Variants in PRKN observed in about 807,000 individuals in gnomAD.
The protein encoded by PRKN is parkin RBR E3 ubiquitin protein ligase.
A neutral mutation model predicts 59.5 loss-of-function variants in PRKN; 56 were observed. That is an observed-to-expected ratio of 0.94 (90% CI 0.76 to 1.18). The LOEUF (loss-of-function observed/expected upper bound fraction) is 1.18. Among genes scored for constraint, PRKN ranks in the 50% most tolerant of loss-of-function variants. The pLI is 0.00. For synonymous variants in PRKN, 250 were observed against 222.1 expected (o/e 1.13, Z -1.12); for missense variants, 657 against 596.4 (o/e 1.10, Z -1.06).
At chr6:161,890,986 A>G (rs895253696) in intron 6 of PRKN, among the ~76,000 whole-genome samples, 1 of 152,170 alleles carries the variant, frequency 6.6e-6, no homozygotes, top group African/African-American at 2.4e-5. Flanking sequence ...AGAGTTTCTC[A>G]ATCCATTCTC....
At chr6:162,017,712 C>G (rs1459731906) in intron 5 of PRKN, among the ~76,000 whole-genome samples, 1 of 152,084 alleles carries the variant, frequency 6.6e-6, no homozygotes, top group Non-Finnish European at 1.5e-5. Flanking sequence ...TAAAAGATCC[C>G]CTTGGGAAAA....
At chr6:162,250,190 G>C (rs1051095251) in intron 3 of PRKN, among the ~76,000 whole-genome samples, 6 of 151,742 alleles carry the variant, frequency 4.0e-5, no homozygotes, top group Non-Finnish European at 5.9e-5. Flanking sequence ...TTTATAAGGG[G>C]GGGGGCAGGG....
intron 9 of PRKN, among the ~76,000 whole-genome samples, chr6:161,449,820 G>A (rs912430705): frequency 1.3e-5 from 2 of 152,200 alleles, no homozygotes; most frequent in Admixed American, 6.5e-5. Flanking sequence ...ACAGACAGGT[G>A]TAGGGAAGCA....
chr6:162,046,059 C>A (rs1784236129), intron 5 of PRKN, among the ~76,000 whole-genome samples: 1 of 152,132 alleles, frequency 6.6e-6, no homozygotes, highest in Admixed American at 6.5e-5. Flanking sequence ...TCCAGTAGAT[C>A]GATATGTACT....
At chr6:162,283,708 A>G (rs1177555632) in intron 2 of PRKN, among the ~76,000 whole-genome samples, 3 of 152,138 alleles carry the variant, frequency 2.0e-5, no homozygotes, top group African/African-American at 7.2e-5. Flanking sequence ...TTTAGTAGAG[A>G]CAGGGTTTCG....
chr6:162,397,488 T>C (rs1376530108), intron 2 of PRKN, among the ~76,000 whole-genome samples: 1 of 151,922 alleles, frequency 6.6e-6, no homozygotes, highest in Non-Finnish European at 1.5e-5. Flanking sequence ...GTACTAGATA[T>C]TTGGAGGTAG....
intron 2 of PRKN, among the ~76,000 whole-genome samples, chr6:162,298,118 G>T (rs895767379): frequency 1.3e-5 from 2 of 152,042 alleles, no homozygotes; most frequent in Admixed American, 1.3e-4. Flanking sequence ...GCAACCTCCA[G>T]TTGGGTTTTG....
intron 1 of PRKN, among the ~76,000 whole-genome samples, chr6:162,553,517 C>T (rs1779413312): frequency 7.4e-6 from 1 of 135,110 alleles, no homozygotes; most frequent in Non-Finnish European, 1.5e-5. Context: ...TTACAGTGTC[C>T]TCGGTTTACC....
chr6:162,404,859 A>G (rs1462727902), intron 2 of PRKN, among the ~76,000 whole-genome samples: 2 of 152,064 alleles, frequency 1.3e-5, no homozygotes, highest in African/African-American at 4.8e-5. Context: ...GCCACTTCTG[A>G]TTTTTTAAAA....
intron 5 of PRKN, among the ~76,000 whole-genome samples, chr6:162,013,152 G>C (rs543978417): frequency 4.6e-5 from 7 of 152,180 alleles, no homozygotes; most frequent in Non-Finnish European, 1.0e-4. Flanking sequence ...GAGAGGAAGA[G>C]ACTTCTAACA....
intron 7 of PRKN, among the ~76,000 whole-genome samples, chr6:161,574,663 T>C (rs1781063696): frequency 6.6e-6 from 1 of 152,202 alleles, no homozygotes; most frequent in Non-Finnish European, 1.5e-5. Flanking sequence ...GAACTCTTTA[T>C]TGTATCTCAA....
intron 4 of PRKN, among the ~76,000 whole-genome samples, chr6:162,194,438 C>T (rs775815755): frequency 6.6e-6 from 1 of 152,130 alleles, no homozygotes; most frequent in African/African-American, 2.4e-5. Context: ...AGAACATTTA[C>T]GGGTTTGAAA....
intron 9 of PRKN, among the ~76,000 whole-genome samples, chr6:161,494,839 G>A (rs536171587): frequency 2.3e-4 from 35 of 152,254 alleles, no homozygotes; most frequent in African/African-American, 8.4e-4. Flanking sequence ...GTCTCCAGGC[G>A]AACATCAAGT....
chr6:161,798,528 A>G (rs1204913960), intron 6 of PRKN, among the ~76,000 whole-genome samples: 1 of 152,200 alleles, frequency 6.6e-6, no homozygotes, highest in Non-Finnish European at 1.5e-5. Flanking sequence ...GAAAGCTTGT[A>G]GGACTTAATC....
chr6:162,038,469 A>G (rs998930079), intron 5 of PRKN, among the ~76,000 whole-genome samples: 4 of 152,198 alleles, frequency 2.6e-5, no homozygotes, highest in African/African-American at 9.7e-5. Context: ...TGCTTAAAAC[A>G]GCTGTGTATA....
At chr6:161,366,897 C>T (rs1785221471) in intron 10 of PRKN, among the ~76,000 whole-genome samples, 1 of 151,226 alleles carries the variant, frequency 6.6e-6, no homozygotes, top group African/African-American at 2.4e-5. Flanking sequence ...ACCCAATTTA[C>T]GAATCGCTTT....
At chr6:162,486,498 A>G (rs1792545916) in intron 1 of PRKN, among the ~76,000 whole-genome samples, 1 of 152,176 alleles carries the variant, frequency 6.6e-6, no homozygotes, top group South Asian at 2.1e-4. Context: ...ATTAACAATA[A>G]TGCATCTGTG....
In PRKN at chr6:161,468,039, C is replaced by G. The variant is rs1350588824; in HGVS notation, c.1083+80815G>C. Among the ~76,000 whole-genome samples, 1 of 152,090 alleles carries G rather than the reference C, an allele frequency of 6.6e-6. No individual in the cohort carries two copies. Among genetic ancestry groups the G allele is most frequent in the African/African-American group, 2.4e-5 (1 of 41,398 alleles). ...CCAGGCTGGAGTGAAGTGGTGTGAT[C>G]TCAGCTCACTGCAACCTCTGCCTTC... On this transcript the variant is annotated intron_variant, in intron 9 of 11. Transcript: ENST00000366898. The surrounding 1 kb of genome is among the most constrained non-coding windows in gnomAD (Gnocchi z 5.9).
At chr6:162,171,477 T>C (rs1276218512) in intron 4 of PRKN, among the ~76,000 whole-genome samples, 1 of 152,192 alleles carries the variant, frequency 6.6e-6, no homozygotes, top group Non-Finnish European at 1.5e-5. Context: ...CCGTTTCAGA[T>C]TCCTCCTCTG....
Sources: allele counts gnomAD v4.1 joint callset (sites outside exome capture counted in the v4.1 genomes callset), GRCh38; gene constraint gnomAD v4.1.1; non-coding constraint Gnocchi (gnomAD v3.1); transcripts MANE v1.5; gene names NCBI Gene and HGNC (gene_info 2026-07-23, HGNC 2026-07-21).